Variants in ATOSA observed in about 807,000 individuals in gnomAD.
The protein encoded by ATOSA is atos homolog protein A.
the ATOSA span, among the ~76,000 whole-genome samples, chr15:52,628,523 G>A: frequency 2.6e-5 from 4 of 152,092 alleles, no homozygotes; most frequent in Admixed American, 2.6e-4. Flanking sequence ...ACTGCAAAAT[G>A]TAAAACAGTA....
At chr15:52,643,781 C>T in the ATOSA span, among the ~76,000 whole-genome samples, 1 of 151,856 alleles carries the variant, frequency 6.6e-6, no homozygotes, top group Non-Finnish European at 1.5e-5. Context: ...GGTGTGGTGG[C>T]GTGTGCCTGT....
chr15:52,656,381 C>T, the ATOSA span: 1 of 152,058 alleles, frequency 6.6e-6, no homozygotes, highest in Non-Finnish European at 1.5e-5. Flanking sequence ...ATATTTGCTG[C>T]AATGATTACC....
the ATOSA span, chr15:52,658,770 G>A: frequency 3.0e-6 from 1 of 336,762 alleles, no homozygotes; most frequent in East Asian, 3.9e-5. Context: ...TTTAAGACCA[G>A]GCTGAGCAAC....
chr15:52,596,853 C>T, the ATOSA span, among the ~76,000 whole-genome samples: 1 of 152,180 alleles, frequency 6.6e-6, no homozygotes, highest in African/African-American at 2.4e-5. Flanking sequence ...ATCTTTTACT[C>T]TTGTAAAGAC....
the ATOSA span, among the ~76,000 whole-genome samples, chr15:52,583,055 G>A: frequency 6.6e-6 from 1 of 152,148 alleles, no homozygotes; most frequent in African/African-American, 2.4e-5. Flanking sequence ...TGAAAGATGT[G>A]GTGGTTACAG....
At chr15:52,605,128 C>T in the ATOSA span, 8 of 1,593,124 alleles carry the variant, frequency 5.0e-6, no homozygotes, top group Non-Finnish European at 6.8e-6. Flanking sequence ...AAAAAAAATG[C>T]TTACAGGGCT....
the ATOSA span, among the ~76,000 whole-genome samples, chr15:52,602,255 A>C: frequency 6.6e-6 from 1 of 152,114 alleles, no homozygotes; most frequent in Non-Finnish European, 1.5e-5. Flanking sequence ...TGCATTTTTC[A>C]TATCTAGAAT....
chr15:52,669,952 C>T, the ATOSA span, among the ~76,000 whole-genome samples: 2 of 152,152 alleles, frequency 1.3e-5, no homozygotes, highest in Non-Finnish European at 2.9e-5. Context: ...CTCTATTTTC[C>T]ATCAGCCTCT....
chr15:52,628,957 T>C, the ATOSA span, among the ~76,000 whole-genome samples: 1 of 152,226 alleles, frequency 6.6e-6, no homozygotes, highest in Non-Finnish European at 1.5e-5. Flanking sequence ...TTCTCCTTTA[T>C]ACAATCCTGA....
At chr15:52,628,963 C>G in the ATOSA span, among the ~76,000 whole-genome samples, 1 of 152,140 alleles carries the variant, frequency 6.6e-6, no homozygotes, top group Non-Finnish European at 1.5e-5. Context: ...TTTATACAAT[C>G]CTGAAGGGCC....
the ATOSA span, among the ~76,000 whole-genome samples, chr15:52,635,379 G>A: frequency 6.6e-6 from 1 of 152,218 alleles, no homozygotes. Context: ...TCTGAGCCAT[G>A]AAACAAGTCT....
At chr15:52,705,730 A>G in the ATOSA span, among the ~76,000 whole-genome samples, 1 of 152,184 alleles carries the variant, frequency 6.6e-6, no homozygotes, top group Non-Finnish European at 1.5e-5. Context: ...CTTATCTTTA[A>G]TGTCAATAGC....
the ATOSA span, among the ~76,000 whole-genome samples, chr15:52,591,006 CA>C: frequency 6.6e-6 from 1 of 152,182 alleles, no homozygotes; most frequent in Non-Finnish European, 1.5e-5. Flanking sequence ...TCTGGAGTGA[CA>C]AAATCTTTTA....
At chr15:52,690,056 CAATA>C in the ATOSA span, among the ~76,000 whole-genome samples, 1 of 152,110 alleles carries the variant, frequency 6.6e-6, no homozygotes, top group Admixed American at 6.5e-5. Context: ...TGAATCTTTC[CAATA>C]AACAAGTTTG....
At chr15:52,621,038 T>A in the ATOSA span, among the ~76,000 whole-genome samples, 9 of 152,304 alleles carry the variant, frequency 5.9e-5, no homozygotes, top group Admixed American at 4.6e-4. Flanking sequence ...CCCCAGGAAA[T>A]AACAGGACAA....
chr15:52,603,846 AGGGATAAAGTGGGAATGGTTAATGG>A, the ATOSA span, among the ~76,000 whole-genome samples: 1 of 152,122 alleles, frequency 6.6e-6, no homozygotes, highest in African/African-American at 2.4e-5. Flanking sequence ...GTGAGGAGGG[AGGGATAAAGTGGGAATGGTTAATGG>A]GTTCAAAAAC....
the ATOSA span, among the ~76,000 whole-genome samples, chr15:52,690,532 A>C: frequency 2.6e-5 from 4 of 152,262 alleles, no homozygotes; most frequent in Admixed American, 6.5e-5. Flanking sequence ...AGAGCTTTCT[A>C]AATTTTAGTA....
chr15:52,582,835 G>A, the ATOSA span, among the ~76,000 whole-genome samples: 2 of 152,184 alleles, frequency 1.3e-5, no homozygotes, highest in Non-Finnish European at 2.9e-5. Context: ...AAAGTTAGCA[G>A]TAAAATGAAA....
chr15:52,657,291 C>G, the ATOSA span: 3 of 152,136 alleles, frequency 2.0e-5, no homozygotes, highest in African/African-American at 7.2e-5. Flanking sequence ...TAACAGAAAT[C>G]TGGTAGAGTG....
Sources: gnomAD v4.1 joint callset for allele counts (sites outside exome capture counted in the v4.1 genomes callset) on GRCh38, gnomAD v4.1.1 for gene constraint, MANE v1.5 for transcripts, NCBI Gene and HGNC (gene_info 2026-07-23, HGNC 2026-07-21) for gene names.